The following SLC39A13 variants were observed in gnomAD, a reference collection of about 807,000 sequenced individuals.
SLC39A13 encodes zinc transporter ZIP13.
Under a neutral mutation model 38.7 loss-of-function variants are expected in SLC39A13, and 18 were observed. That is an observed-to-expected ratio of 0.47 (90% CI 0.32 to 0.69). SLC39A13 has a LOEUF of 0.69. Among genes scored for constraint, SLC39A13 ranks in the 30% least tolerant of loss-of-function variants. The probability of loss-of-function intolerance (pLI) is 0.03; values close to 1 mark genes in which losing one functional copy is unlikely to be tolerated. For missense variants in SLC39A13, 395 were observed against 490.7 expected (o/e 0.80, Z 1.84); for synonymous variants, 212 against 219.1 (o/e 0.97, Z 0.29).
At chr11:47,414,557 G>GTGGGGCTGGGCCTGTCCAGCATGGCACTC in intron 7 of SLC39A13, 82 bp downstream of exon 7, 1 of 1,564,586 alleles carries the variant, frequency 6.4e-7, no homozygotes. Flanking sequence ...TCAGGAGGGT[G>GTGGGGCTGGGCCTGTCCAGCATGGCACTC]TGGGGCTGGG....
In SLC39A13 at chr11:47,413,456, G is replaced by C. The variant is rs746988994; in HGVS notation, c.594G>C (p.Leu198=). Residue 198 remains leucine, a synonymous_variant, in exon 5 of 10, where the codon CTG becomes CTC. Transcript: ENST00000362021. ...CCGCGCTCAATGGAGGCCACTGTCT[G>C]GCCCAGCCGGCTGCAGAGCCCGGCC... is the stretch of plus-strand genomic sequence containing the variant. The part of the protein sequence containing the change: ...AAAALNGGHC[L]AQPAAEPGLG... 2 of 1,614,108 alleles carry C rather than the reference G, an allele frequency of 1.2e-6. No individual in the cohort carries two copies. Among genetic ancestry groups the C allele is most frequent in the South Asian group, 2.2e-5 (2 of 91,086 alleles).
In SLC39A13 at chr11:47,410,229, C is replaced by T; in HGVS notation, c.135C>T (p.Ala45=). The T allele has an allele frequency of 6.2e-7, 1 of 1,614,120 alleles. No individual in the cohort carries two copies. The highest frequency in any genetic ancestry group is 8.5e-7 in the Non-Finnish European group (1 of 1,180,028). The part of the protein sequence containing the change: ...PALRSRGTAT[A]CRLDNKESES... ...TCCGGAGCCGGGGGACTGCGACGGCCTGTCGCCTGGACAACAAGGAAAGCG... is the reference window on the plus strand; with the variant it reads ...TCCGGAGCCGGGGGACTGCGACGGCTTGTCGCCTGGACAACAAGGAAAGCG... Residue 45 remains alanine, a synonymous_variant, in exon 2 of 10, where the codon GCC becomes GCT. Transcript: ENST00000362021.
rs1173683625 is a variant in SLC39A13, at chr11:47,411,906, C to T, written c.302-20C>T. ...AGCTCCAGCCAGTCAGCCCCCAGACCCCGCATCTCTCCCTTGTAGCTGGGG... is the reference window on the plus strand; with the variant it reads ...AGCTCCAGCCAGTCAGCCCCCAGACTCCGCATCTCTCCCTTGTAGCTGGGG... On this transcript the variant is annotated intron_variant, in intron 2 of 9. Transcript: ENST00000362021. The T allele has an allele frequency of 6.2e-7, 1 of 1,607,792 alleles. No individual in the cohort carries two copies. Among genetic ancestry groups the T allele is most frequent in the Admixed American group, 1.7e-5 (1 of 59,354 alleles).
At chr11:47,408,155 G>A (rs2095978670), upstream of SLC39A13, among the ~76,000 whole-genome samples, 1 of 152,246 alleles carries the variant, frequency 6.6e-6, no homozygotes, top group Admixed American at 6.5e-5. Flanking sequence ...CTGACTCAGA[G>A]CAGGAGCGCA....
intron 6 of SLC39A13, 155 bp from the exon 7 acceptor site, chr11:47,414,270 C>T (rs2096014568): frequency 1.3e-6 from 1 of 797,108 alleles, no homozygotes; most frequent in South Asian, 1.5e-5. Context: ...AAGGCAGGTT[C>T]CTTGTCCCCT....
chr11:47,410,870 C>T (rs1045804400), intron 2 of SLC39A13, among the ~76,000 whole-genome samples: 1 of 152,212 alleles, frequency 6.6e-6, no homozygotes, highest in Non-Finnish European at 1.5e-5. Flanking sequence ...ATTCACTTAC[C>T]AGATGGTTAC....
intron 7 of SLC39A13, 45 bp from the exon 8 acceptor site, chr11:47,414,732 C>T (rs766140477): frequency 3.1e-6 from 5 of 1,600,696 alleles, no homozygotes; most frequent in Non-Finnish European, 4.2e-6. Context: ...CTCAGGGCAT[C>T]AGGCCCCGCT....
chr11:47,410,201 C>T lies in SLC39A13; in HGVS notation c.107C>T (p.Ala36Val). Reference sequence around the variant, plus strand: ...GAAAGGGCTGGGGGTTCCCAGCCGGCCCTCCGGAGCCGGGGGACTGCGACG... The same window carrying T: ...GAAAGGGCTGGGGGTTCCCAGCCGGTCCTCCGGAGCCGGGGGACTGCGACG... The part of the protein sequence containing the change: ...LLERAGGSQP[A>V]LRSRGTATAC... Residue 36 changes from alanine (A) to valine (V), a missense_variant, in exon 2 of 10, where the codon GCC becomes GTC. Physicochemically the swap from Ala to Val is moderately conservative, Grantham distance 64. Transcript: ENST00000362021. 2 of 1,613,874 alleles carry T rather than the reference C, an allele frequency of 1.2e-6. No homozygotes were observed. Among genetic ancestry groups the T allele is most frequent in the South Asian group, 1.1e-5 (1 of 91,074 alleles).
rs1595877709 is a variant in SLC39A13, at chr11:47,410,244, C to G, written c.150C>G (p.Asn50Lys). 1.9e-6 allele frequency: 3 copies of G among 1,614,128 alleles called. No individual in the cohort carries two copies. The highest frequency in any genetic ancestry group is 2.5e-6 in the Non-Finnish European group (3 of 1,180,018). The stretch of plus-strand genomic sequence containing the variant: ...CTGCGACGGCCTGTCGCCTGGACAA[C>G]AAGGAAAGCGAGTCCTGGGGGGCTC... ...RGTATACRLD[N>K]KESESWGALL... The change falls in exon 2 of 10, where the codon AAC (asparagine) becomes AAG (lysine). Residue 50 changes from asparagine to lysine, a missense_variant. Physicochemically the swap from Asn to Lys is moderately conservative, Grantham distance 94 (BLOSUM62 0). Coordinates refer to ENST00000362021, the MANE Select transcript of SLC39A13 (RefSeq NM_001128225.3).
At position 47,415,369 on chromosome 11, in the gene SLC39A13, C is replaced by T. The variant is rs765810381; in HGVS notation, c.*6C>T. Reference sequence around the variant, plus strand: ...TCTCGCTCTTCGTGGATTAACTTTCCCTGATGCCGACGCCCCTGCCCCCTG... The same window carrying T: ...TCTCGCTCTTCGTGGATTAACTTTCTCTGATGCCGACGCCCCTGCCCCCTG... On this transcript the variant is annotated 3_prime_UTR_variant, in exon 10 of 10. Coordinates refer to ENST00000362021, the MANE Select transcript of SLC39A13 (RefSeq NM_001128225.3). 2 of 1,613,990 alleles carry T rather than the reference C, an allele frequency of 1.2e-6. No homozygotes were observed. The highest frequency in any genetic ancestry group is 4.5e-5 in the East Asian group (2 of 44,884).
chr11:47,413,963 C>T, intron 6 of SLC39A13: 1 of 692,282 alleles, frequency 1.4e-6, no homozygotes. Flanking sequence ...CTACCTCCTC[C>T]CTCTGGCCTC....
chr11:47,412,234 C>T, intron 3 of SLC39A13, 112 bp from the exon 4 acceptor site: 1 of 1,452,508 alleles, frequency 6.9e-7, no homozygotes, highest in Non-Finnish European at 9.4e-7. Flanking sequence ...GCTGCCCAAC[C>T]CACCCTTGTC....
In SLC39A13 at chr11:47,414,878, C is replaced by T. The variant is rs150556863; in HGVS notation, c.888C>T (p.Phe296=). 319 of 1,612,572 alleles carry T rather than the reference C, an allele frequency of 2.0e-4. 1 individual carries two copies. The South Asian group carries it at 2.4e-3, about 12-fold the overall frequency. ...TALGGLLGAG[F]AICTQSPKGV... ...TGGGGGGCCTACTGGGCGCTGGCTT[C>T]GCCATCTGTACCCAGTCCCCCAAGG... The change falls in exon 8 of 10, where the codon TTC becomes TTT. Residue 296 remains phenylalanine (F), a synonymous_variant. Transcript: ENST00000362021.
rs2153301377 is a variant in SLC39A13 at position 47,414,781 on chromosome 11, G to C, written c.791G>C (p.Gly264Ala). The C allele has an allele frequency of 1.2e-6, 2 of 1,608,598 alleles. No homozygotes were observed. Among genetic ancestry groups the C allele is most frequent in the Non-Finnish European group, 1.7e-6 (2 of 1,179,984 alleles). ...ILLHEIPHEV[G>A]DFAILLRAGF... is the part of the protein sequence containing the mutation. ...AACCTCTGGACCTCCCTTCAGGTGG[G>C]CGACTTTGCCATCCTGCTCCGGGCC... Residue 264 changes from glycine (G) to alanine (A), a missense_variant, in exon 8 of 10, where the codon GGC (glycine) becomes GCC (alanine). Gly to Ala is a moderately conservative substitution (Grantham distance 60). Coordinates refer to ENST00000362021, the MANE Select transcript of SLC39A13 (RefSeq NM_001128225.3).
chr11:47,411,859 G>A, intron 2 of SLC39A13, 67 bp from the exon 3 acceptor site: 4 of 1,478,780 alleles, frequency 2.7e-6, no homozygotes, highest in Non-Finnish European at 3.7e-6. Context: ...AGTGAGTGGG[G>A]TGGGATGAAG....
intron 1 of SLC39A13, 95 bp from the exon 2 acceptor site, chr11:47,409,992 A>G: frequency 6.8e-7 from 1 of 1,466,390 alleles, no homozygotes; most frequent in East Asian, 2.3e-5. Context: ...GGTGGATGCC[A>G]GGGTCCCTTG....
chr11:47,412,259 C>T, intron 3 of SLC39A13, 87 bp from the exon 4 acceptor site: 1 of 1,525,272 alleles, frequency 6.6e-7, no homozygotes, highest in Non-Finnish European at 8.9e-7. Flanking sequence ...CCCTGGTGCC[C>T]TGGATGAGAT....
rs879097486 is a variant in SLC39A13 at position 47,413,452 on chromosome 11, G to A, written c.590G>A (p.Cys197Tyr). 3.1e-6 allele frequency: 5 copies of A among 1,614,120 alleles called. No individual in the cohort carries two copies. In the South Asian group the frequency reaches 3.3e-5, roughly 11 times the overall value. ...GCCGCCGCGCTCAATGGAGGCCACT[G>A]TCTGGCCCAGCCGGCTGCAGAGCCC... is the stretch of plus-strand genomic sequence containing the variant. Reference protein sequence around the residue: ...AAAAALNGGHCLAQPAAEPGL... With the variant: ...AAAAALNGGHYLAQPAAEPGL... The change falls in exon 5 of 10, where the codon TGT becomes TAT. Residue 197 changes from cysteine to tyrosine, a missense_variant. Physicochemically the swap from Cys to Tyr is radical, Grantham distance 194. Transcript: ENST00000362021.
chr11:47,408,358 G>C (rs1184629505), upstream of SLC39A13, among the ~76,000 whole-genome samples: 1 of 152,080 alleles, frequency 6.6e-6, no homozygotes, highest in Non-Finnish European at 1.5e-5. Flanking sequence ...GGTGCGTGTG[G>C]CTCTCTCACT....
Sources: allele counts gnomAD v4.1 joint callset (sites outside exome capture counted in the v4.1 genomes callset), GRCh38; gene constraint gnomAD v4.1.1; transcripts MANE v1.5; gene names NCBI Gene and HGNC (gene_info 2026-07-23, HGNC 2026-07-21).